Variants in ATP11B observed in about 807,000 individuals in gnomAD.
ATP11B encodes ATPase phospholipid transporting 11B (putative), also known as phospholipid-transporting ATPase IF.
ATP11B carries 81 observed loss-of-function variants against 157.8 expected under a neutral mutation model. The observed-to-expected ratio is 0.51, with a 90% confidence interval of 0.43 to 0.62. ATP11B has a LOEUF of 0.62. Ranked by LOEUF, ATP11B falls within the 20% of genes least tolerant of loss-of-function variation. The pLI is 0.00. For missense variants in ATP11B, 1,165 were observed against 1,402.2 expected (o/e 0.83, Z 2.70); for synonymous variants, 451 against 469.4 (o/e 0.96, Z 0.51).
chr3:182,857,854 T>C, intron 10 of ATP11B, 24 bp from the exon 11 acceptor site: 2 of 1,408,578 alleles, frequency 1.4e-6, no homozygotes, highest in Non-Finnish European at 2.0e-6. Context: ...TTGTATGTTT[T>C]ATATTCTCTT....
intron 21 of ATP11B, among the ~76,000 whole-genome samples, chr3:182,882,280 A>T (rs1722479223): frequency 6.6e-6 from 1 of 152,156 alleles, no homozygotes; most frequent in African/African-American, 2.4e-5. Flanking sequence ...TATTTTCCAT[A>T]AATTTTCATA....
chr3:182,836,226 A>G, intron 5 of ATP11B, 84 bp downstream of exon 5: 1 of 1,563,528 alleles, frequency 6.4e-7, no homozygotes, highest in Non-Finnish European at 8.8e-7. Flanking sequence ...GTTTTAGTTA[A>G]AAGCCTACTT....
At chr3:182,846,665 A>G (rs1719557084) in intron 9 of ATP11B, among the ~76,000 whole-genome samples, 1 of 152,240 alleles carries the variant, frequency 6.6e-6, no homozygotes, top group Non-Finnish European at 1.5e-5. Context: ...GTATTAATGC[A>G]TGCTACAGTA....
In ATP11B at chr3:182,857,975, T is replaced by A; in HGVS notation, c.949T>A (p.Trp317Arg). 4 of 1,612,786 alleles carry A rather than the reference T, an allele frequency of 2.5e-6. No individual in the cohort carries two copies. Among genetic ancestry groups the A allele is most frequent in the Non-Finnish European group, 3.4e-6 (4 of 1,179,052 alleles). The change falls in exon 11 of 30, where the codon TGG (tryptophan) becomes AGG (arginine). Residue 317 changes from tryptophan to arginine, a missense_variant. Transcript: ENST00000323116. ...GTATACATGGCAAGCTGAAGAAAAA[T>A]GGGATGAACCTTGGTATAACCAAAA... ...LKYTWQAEEK[W>R]DEPWYNQKTE...
intron 1 of ATP11B, among the ~76,000 whole-genome samples, chr3:182,806,511 A>G (rs1185467749): frequency 3.3e-5 from 5 of 151,992 alleles, no homozygotes; most frequent in African/African-American, 7.2e-5. Flanking sequence ...TTTGTTCTCT[A>G]TGGCTCTTTT....
intron 17 of ATP11B, 99 bp downstream of exon 17, chr3:182,869,430 C>G: frequency 1.2e-6 from 1 of 838,088 alleles, no homozygotes; most frequent in Non-Finnish European, 1.8e-6. Context: ...TGTGGACATT[C>G]TGCAGTTGTG....
intron 29 of ATP11B, chr3:182,917,390 A>T (rs899697055): frequency 2.0e-6 from 2 of 985,274 alleles, no homozygotes; most frequent in Admixed American, 1.2e-4. Flanking sequence ...AGCTGCACAT[A>T]AAGTATTATG....
chr3:182,810,197 T>C (rs1236574974), intron 1 of ATP11B, among the ~76,000 whole-genome samples: 1 of 152,050 alleles, frequency 6.6e-6, no homozygotes, highest in Non-Finnish European at 1.5e-5. Context: ...CCTGGCATCG[T>C]GGTGGGTGCC....
chr3:182,794,145 C>G (rs1576933268), intron 1 of ATP11B, among the ~76,000 whole-genome samples: 5 of 152,290 alleles, frequency 3.3e-5, no homozygotes, highest in African/African-American at 1.2e-4. Context: ...GGGAGCTGAG[C>G]GAGAGTAGGT....
At chr3:182,807,932 C>T (rs1189505395) in intron 1 of ATP11B, among the ~76,000 whole-genome samples, 1 of 152,090 alleles carries the variant, frequency 6.6e-6, no homozygotes, top group African/African-American at 2.4e-5. Flanking sequence ...AGATCAAATA[C>T]TAAGTGGCTT....
At chr3:182,848,625 AATATT>A (rs933847471) in intron 10 of ATP11B, 68 bp downstream of exon 10, 35 of 663,218 alleles carry the variant, frequency 5.3e-5, no homozygotes, top group African/African-American at 4.4e-4. Flanking sequence ...TTTGGTATAA[AATATT>A]ATATATATAA....
At chr3:182,879,723 A>AC in intron 20 of ATP11B, 74 bp downstream of exon 20, 1 of 1,350,818 alleles carries the variant, frequency 7.4e-7, no homozygotes, top group Non-Finnish European at 9.9e-7. Flanking sequence ...TTAATGCCTT[A>AC]CATAGTTCCA....
intron 14 of ATP11B, 49 bp downstream of exon 14, chr3:182,866,492 ATG>A: frequency 7.1e-7 from 1 of 1,410,086 alleles, no homozygotes; most frequent in Non-Finnish European, 9.5e-7. Context: ...ATTTAAATAA[ATG>A]TAACAATATT....
At chr3:182,818,178 G>T (rs1199457452) in intron 1 of ATP11B, among the ~76,000 whole-genome samples, 1 of 152,158 alleles carries the variant, frequency 6.6e-6, no homozygotes, top group Non-Finnish European at 1.5e-5. Flanking sequence ...CATGTTTGTG[G>T]AGTGGATGCT....
intron 21 of ATP11B, among the ~76,000 whole-genome samples, chr3:182,881,946 C>A (rs528005509): frequency 1.8e-4 from 27 of 152,310 alleles, no homozygotes; most frequent in African/African-American, 6.5e-4. Context: ...TTATTCTTTT[C>A]TATTTTTGCC....
intron 21 of ATP11B, among the ~76,000 whole-genome samples, chr3:182,881,467 G>C (rs557766655): frequency 6.6e-6 from 1 of 151,540 alleles, no homozygotes; most frequent in African/African-American, 2.4e-5. Context: ...GCTTGAACCC[G>C]GGAGACAGAG....
chr3:182,802,015 T>C (rs543490353), intron 1 of ATP11B, among the ~76,000 whole-genome samples: 1 of 152,354 alleles, frequency 6.6e-6, no homozygotes, highest in South Asian at 2.1e-4. Flanking sequence ...AATGCTTTGC[T>C]TCAAAACATC....
chr3:182,797,059 T>C (rs543682525), intron 1 of ATP11B, among the ~76,000 whole-genome samples: 12 of 152,342 alleles, frequency 7.9e-5, no homozygotes, highest in Admixed American at 2.6e-4. Context: ...CTTGCTTATA[T>C]TTTATACTGG....
intron 14 of ATP11B, among the ~76,000 whole-genome samples, chr3:182,867,006 A>G (rs573732538): frequency 4.0e-4 from 61 of 151,338 alleles, no homozygotes; most frequent in African/African-American, 8.5e-4. Flanking sequence ...TCTCAGCTCA[A>G]TGCAGCCTCT....
Sources: gnomAD v4.1 joint callset for allele counts (sites outside exome capture counted in the v4.1 genomes callset) on GRCh38, gnomAD v4.1.1 for gene constraint, MANE v1.5 for transcripts, NCBI Gene and HGNC (gene_info 2026-07-23, HGNC 2026-07-21) for gene names.